The following CUL3 variants were observed in gnomAD, a reference collection of about 807,000 sequenced individuals.
CUL3 encodes cullin 3, also known as cullin-3.
A neutral mutation model predicts 89.1 loss-of-function variants in CUL3; 19 were observed. The ratio of observed to expected loss-of-function variants is 0.21; its 90% CI spans 0.15 to 0.31. The LOEUF (loss-of-function observed/expected upper bound fraction) is 0.31. Ranked by LOEUF, CUL3 falls within the 10% of genes least tolerant of loss-of-function variation. CUL3 has a pLI of 1.00. For synonymous variants in CUL3, 351 were observed against 308.4 expected, an observed-to-expected ratio of 1.14 and a Z score of -1.45; for missense variants, 469 against 942.3, an observed-to-expected ratio of 0.50 and a Z score of 6.58.
At chr2:224,518,724 A>C (rs920093935) in intron 3 of CUL3, among the ~76,000 whole-genome samples, 1 of 152,186 alleles carries the variant, frequency 6.6e-6, no homozygotes, top group Non-Finnish European at 1.5e-5. Flanking sequence ...TAAAACATTA[A>C]TATCATTTCC....
At chr2:224,572,631 A>G (rs973694848) in intron 1 of CUL3, among the ~76,000 whole-genome samples, 77 of 31,450 alleles carry the variant, frequency 2.4e-3, no homozygotes, top group African/African-American at 0.013. Context: ...AGAGTGAGAG[A>G]AAAAAAAAAA....
At chr2:224,480,532 C>T (rs1691498332) in intron 14 of CUL3, among the ~76,000 whole-genome samples, 1 of 152,152 alleles carries the variant, frequency 6.6e-6, no homozygotes, top group Admixed American at 6.5e-5. Context: ...ACTCCAGATA[C>T]ACACATAAGT....
intron 13 of CUL3, among the ~76,000 whole-genome samples, chr2:224,489,619 A>G: frequency 6.6e-6 from 1 of 152,246 alleles, no homozygotes; most frequent in African/African-American, 2.4e-5. Flanking sequence ...ATGGATAGGA[A>G]GAATCAATAT....
intron 3 of CUL3, among the ~76,000 whole-genome samples, chr2:224,534,168 A>T (rs1693794580): frequency 6.6e-6 from 1 of 152,256 alleles, no homozygotes; most frequent in Non-Finnish European, 1.5e-5. Flanking sequence ...TAATGAATCT[A>T]GCGTCATTCT....
chr2:224,529,779 T>C (rs1046439508), intron 3 of CUL3, among the ~76,000 whole-genome samples: 1 of 151,946 alleles, frequency 6.6e-6, no homozygotes, highest in East Asian at 1.9e-4. Flanking sequence ...AGATGTAGAG[T>C]TGATTTTTGC....
chr2:224,563,288 G>A (rs1177329125), intron 1 of CUL3: 6 of 470,838 alleles, frequency 1.3e-5, no homozygotes, highest in Non-Finnish European at 2.6e-5. Flanking sequence ...TTCACCCTGA[G>A]AACTCTGTCC....
At chr2:224,483,119 C>T (rs1691590602) in intron 13 of CUL3, among the ~76,000 whole-genome samples, 1 of 152,096 alleles carries the variant, frequency 6.6e-6, no homozygotes, top group Admixed American at 6.5e-5. Context: ...GTTATATCTA[C>T]CTACTTTAGA....
chr2:224,502,810 G>A lies in CUL3; in HGVS notation c.1485+155C>T, dbSNP rs575603701. On this transcript the variant is annotated intron_variant, in intron 10 of 15. Coordinates refer to ENST00000264414, the MANE Select transcript of CUL3 (RefSeq NM_003590.5). ...TTTTAACATAAACACAGAATAAGAGGCAATGTGAAGGAAAATTAAGTACTC... is the reference window on the plus strand; with the variant it reads ...TTTTAACATAAACACAGAATAAGAGACAATGTGAAGGAAAATTAAGTACTC... 8.2e-4 allele frequency among the ~76,000 whole-genome samples: 125 copies of A among 152,228 alleles called. 1 individual carries two copies. The highest frequency in any genetic ancestry group is 2.9e-3 in the African/African-American group (120 of 41,560).
chr2:224,511,293 T>C, intron 6 of CUL3, 61 bp downstream of exon 6: 1 of 1,264,258 alleles, frequency 7.9e-7, no homozygotes, highest in Non-Finnish European at 1.1e-6. Flanking sequence ...TGTAGGAAAA[T>C]TTTAAAAATA....
intron 15 of CUL3, among the ~76,000 whole-genome samples, chr2:224,475,732 G>A (rs1202637819): frequency 6.6e-6 from 1 of 151,796 alleles, no homozygotes; most frequent in Non-Finnish European, 1.5e-5. Flanking sequence ...CTGTTTAACC[G>A]AGCCTAAACT....
chr2:224,531,062 C>T (rs1693678983), intron 3 of CUL3, among the ~76,000 whole-genome samples: 1 of 149,904 alleles, frequency 6.7e-6, no homozygotes, highest in Non-Finnish European at 1.5e-5. Flanking sequence ...AAGGTATCAA[C>T]ACTTTCTTTT....
intron 2 of CUL3, among the ~76,000 whole-genome samples, chr2:224,545,335 TA>T (rs1006561383): frequency 2.6e-5 from 4 of 152,094 alleles, no homozygotes; most frequent in African/African-American, 9.7e-5. Context: ...CCAGTATCCT[TA>T]AAAAAACAGT....
At chr2:224,569,922 G>T in intron 1 of CUL3, 3 of 169,114 alleles carry the variant, frequency 1.8e-5, no homozygotes, top group Non-Finnish European at 2.5e-5. Context: ...ATAAACAAGG[G>T]AAAATACTTG....
At chr2:224,499,674 G>T in intron 11 of CUL3, 2 of 215,518 alleles carry the variant, frequency 9.3e-6, no homozygotes, top group South Asian at 8.7e-5. Flanking sequence ...CACCCTGCAG[G>T]GGTGTCCAGC....
intron 3 of CUL3, among the ~76,000 whole-genome samples, chr2:224,531,174 GC>G (rs1275273212): frequency 6.8e-6 from 1 of 146,234 alleles, no homozygotes; most frequent in African/African-American, 2.5e-5. Flanking sequence ...TGCAACCTCT[GC>G]CTCCCAAGTT....
chr2:224,574,738 T>C (rs541982427), intron 1 of CUL3, among the ~76,000 whole-genome samples: 2 of 152,354 alleles, frequency 1.3e-5, no homozygotes, highest in East Asian at 1.9e-4. Context: ...TTAAATGTCA[T>C]AGTGATACCA....
intron 1 of CUL3, among the ~76,000 whole-genome samples, chr2:224,582,128 C>T (rs1308492554): frequency 6.6e-6 from 1 of 152,020 alleles, no homozygotes; most frequent in Non-Finnish European, 1.5e-5. Flanking sequence ...CCACGCCCCG[C>T]TAATTTTTTG....
Position 224,470,211 on chromosome 2 carries a change from A to G in CUL3, c.*4034T>C, listed in dbSNP as rs1691072938. On this transcript the variant is annotated 3_prime_UTR_variant, in exon 16 of 16. Transcript: ENST00000264414. ...ATAAATCTTGTATGCAATAAAGTTT[A>G]TTAGTTGAACTGTCCTGTTATTAAA... is the stretch of plus-strand genomic sequence containing the variant. The G allele has an allele frequency of 4.8e-6, 1 of 207,082 alleles. No homozygotes were observed. The highest frequency in any genetic ancestry group is 2.3e-5 in the African/African-American group (1 of 43,910). 12.8% of individuals were successfully genotyped at this position (207,082 alleles called of 1,614,324 possible).
At chr2:224,503,870 A>G in intron 8 of CUL3, 48 bp from the exon 9 acceptor site, 1 of 1,387,038 alleles carries the variant, frequency 7.2e-7, no homozygotes, top group South Asian at 1.5e-5. Flanking sequence ...AGTTCTACAA[A>G]AGCAGTACTA....
Sources: gnomAD v4.1 joint callset for allele counts (sites outside exome capture counted in the v4.1 genomes callset) on GRCh38, gnomAD v4.1.1 for gene constraint, MANE v1.5 for transcripts, NCBI Gene and HGNC (gene_info 2026-07-23, HGNC 2026-07-21) for gene names.